CHRM3: variants seen among roughly 807,000 people sequenced by gnomAD.
The protein encoded by CHRM3 is muscarinic acetylcholine receptor M3.
Under a neutral mutation model 41.8 loss-of-function variants are expected in CHRM3, and 11 were observed. The ratio of observed to expected loss-of-function variants is 0.26; its 90% CI spans 0.17 to 0.44. The LOEUF (loss-of-function observed/expected upper bound fraction) is 0.44. Among genes scored for constraint, CHRM3 ranks in the 20% least tolerant of loss-of-function variants. The pLI, the probability that CHRM3 is intolerant of heterozygous loss-of-function variation, is 1.00. For synonymous variants in CHRM3, 297 were observed against 301.4 expected (o/e 0.99, Z 0.15); for missense variants, 571 against 745.4 (o/e 0.77, Z 2.72).
intron 1 of CHRM3, among the ~76,000 whole-genome samples, chr1:239,459,949 T>C (rs1572378294): frequency 6.6e-6 from 1 of 152,182 alleles, no homozygotes; most frequent in African/African-American, 2.4e-5. Context: ...TAACTCTGTG[T>C]TAGGCCCTAT....
intron 2 of CHRM3, among the ~76,000 whole-genome samples, chr1:239,512,881 T>C (rs948815881): frequency 2.6e-5 from 4 of 151,928 alleles, no homozygotes; most frequent in Non-Finnish European, 2.9e-5. Context: ...AGGTTATCTG[T>C]GGGTTTTGGG....
intron 4 of CHRM3, among the ~76,000 whole-genome samples, chr1:239,640,281 A>C (rs1670971235): frequency 6.6e-6 from 1 of 152,228 alleles, no homozygotes; most frequent in Non-Finnish European, 1.5e-5. Context: ...TGGCATCATA[A>C]AATGAGTTAG....
At chr1:239,602,140 A>ATATATATATG (rs1432471091) in intron 3 of CHRM3, among the ~76,000 whole-genome samples, 121 of 144,844 alleles carry the variant, frequency 8.4e-4, no homozygotes, top group Non-Finnish European at 1.5e-3. Flanking sequence ...ATATATATAT[A>ATATATATATG]ATTTTGTTTT....
chr1:239,767,668 A>C (rs1000122221), intron 5 of CHRM3, among the ~76,000 whole-genome samples: 2 of 152,220 alleles, frequency 1.3e-5, no homozygotes, highest in Admixed American at 6.5e-5. Flanking sequence ...TAGTTTACTT[A>C]GTATTTATTA....
At chr1:239,657,525 G>A (rs1013972891) in intron 4 of CHRM3, among the ~76,000 whole-genome samples, 4 of 152,202 alleles carry the variant, frequency 2.6e-5, no homozygotes, top group Admixed American at 6.5e-5. Context: ...TATGCGCTTT[G>A]ATGACTCAAC....
intron 6 of CHRM3, among the ~76,000 whole-genome samples, chr1:239,877,491 G>C (rs971175610): frequency 3.3e-5 from 5 of 152,108 alleles, no homozygotes; most frequent in African/African-American, 4.8e-5. Context: ...AACCCTAACT[G>C]GTGAATAATA....
intron 4 of CHRM3, among the ~76,000 whole-genome samples, chr1:239,668,389 C>A (rs910983993): frequency 1.3e-5 from 2 of 151,930 alleles, no homozygotes; most frequent in African/African-American, 4.8e-5. Flanking sequence ...GTGTCTGGCC[C>A]AAATACACTT....
At chr1:239,776,044 A>G (rs1572255771) in intron 5 of CHRM3, among the ~76,000 whole-genome samples, 2 of 152,284 alleles carry the variant, frequency 1.3e-5, no homozygotes, top group South Asian at 2.1e-4. Flanking sequence ...TATGCATCTC[A>G]GCTTTTGTTT....
chr1:239,605,815 G>T (rs965637944), intron 3 of CHRM3, among the ~76,000 whole-genome samples: 2 of 152,114 alleles, frequency 1.3e-5, no homozygotes, highest in Admixed American at 1.3e-4. Context: ...GGTAATGAAG[G>T]TTTTTCATTC....
At chr1:239,450,873 A>T (rs1664508065) in intron 1 of CHRM3, among the ~76,000 whole-genome samples, 1 of 152,156 alleles carries the variant, frequency 6.6e-6, no homozygotes, top group South Asian at 2.1e-4. Context: ...AAATTTGAGC[A>T]TCGTCTGTTA....
chr1:239,592,571 C>T (rs1292518045), intron 3 of CHRM3, among the ~76,000 whole-genome samples: 2 of 151,978 alleles, frequency 1.3e-5, no homozygotes, highest in African/African-American at 4.8e-5. Context: ...TTGTGAGTGG[C>T]TTCTTTCACT....
intron 1 of CHRM3, among the ~76,000 whole-genome samples, chr1:239,462,118 A>G (rs1271953857): frequency 6.6e-6 from 1 of 152,156 alleles, no homozygotes; most frequent in Non-Finnish European, 1.5e-5. Flanking sequence ...GTAATTTTTT[A>G]TCTTTTTCTC....
intron 3 of CHRM3, among the ~76,000 whole-genome samples, chr1:239,610,410 T>G (rs1266043533): frequency 6.6e-6 from 1 of 152,158 alleles, no homozygotes; most frequent in Non-Finnish European, 1.5e-5. Flanking sequence ...GTCTCACATT[T>G]GATTATAATT....
chr1:239,755,117 A>G (rs1019525795), intron 5 of CHRM3, among the ~76,000 whole-genome samples: 7 of 152,106 alleles, frequency 4.6e-5, no homozygotes, highest in Admixed American at 3.3e-4. Flanking sequence ...TTAAAACTGA[A>G]TCCAAACCAT....
At chr1:239,457,252 G>C (rs576241130) in intron 1 of CHRM3, among the ~76,000 whole-genome samples, 8 of 152,236 alleles carry the variant, frequency 5.3e-5, no homozygotes, top group Admixed American at 2.0e-4. Flanking sequence ...AGAGTCAAGG[G>C]CTGAAAGTGA....
At position 239,859,395 on chromosome 1, in the gene CHRM3, G is replaced by GT. The variant is rs370468669; in HGVS notation, c.-20+32025dup. Among the ~76,000 whole-genome samples, 115 of 144,778 alleles carry GT rather than the reference G, an allele frequency of 7.9e-4. 1 individual carries two copies. Among genetic ancestry groups the GT allele is most frequent in the Middle Eastern group, 3.5e-3 (1 of 286 alleles). The allele number at this position is 144,778 out of a possible 152,430, so 95.0% of individuals were successfully genotyped here. A position where few individuals can be genotyped will look rare whatever the true frequency, so the allele number is the denominator to read the frequency against. ...CATCTTTTTATGGATTTGTTGGCCTGTTTTTTTTGTTGTTGTTGTTGTTGT... is the reference window on the plus strand; with the variant it reads ...CATCTTTTTATGGATTTGTTGGCCTGTTTTTTTTTGTTGTTGTTGTTGTTGT... On this transcript the variant is annotated intron_variant, in intron 6 of 6. Coordinates refer to ENST00000676153, the MANE Select transcript of CHRM3 (RefSeq NM_001375978.1).
intron 5 of CHRM3, among the ~76,000 whole-genome samples, chr1:239,809,463 A>C (rs1670940402): frequency 6.6e-6 from 1 of 151,840 alleles, no homozygotes; most frequent in Non-Finnish European, 1.5e-5. Flanking sequence ...CCTAGGAATG[A>C]GTCCGAGGTC....
intron 5 of CHRM3, among the ~76,000 whole-genome samples, chr1:239,727,447 G>T (rs989420079): frequency 6.6e-6 from 1 of 151,898 alleles, no homozygotes; most frequent in African/African-American, 2.4e-5. Context: ...ATTTTAAAAA[G>T]CTTTTGTGCT....
At chr1:239,517,466 CTA>C (rs961449539) in intron 2 of CHRM3, among the ~76,000 whole-genome samples, 24 of 152,208 alleles carry the variant, frequency 1.6e-4, no homozygotes, top group African/African-American at 4.6e-4. Context: ...CTTGCCATTC[CTA>C]TGTTTTTCAT....
Sources: gnomAD v4.1 joint callset for allele counts (sites outside exome capture counted in the v4.1 genomes callset) on GRCh38, gnomAD v4.1.1 for gene constraint, MANE v1.5 for transcripts, NCBI Gene and HGNC (gene_info 2026-07-23, HGNC 2026-07-21) for gene names.